Variants in PIK3R1 observed in about 807,000 individuals in gnomAD.
PIK3R1 encodes phosphoinositide-3-kinase regulatory subunit 1, also known as phosphatidylinositol 3-kinase regulatory subunit alpha.
In PIK3R1, 29 loss-of-function variants were observed where a neutral mutation model predicts 98.0. The observed-to-expected ratio is 0.30, with a 90% confidence interval of 0.22 to 0.40. The LOEUF is 0.40. Among genes scored for constraint, PIK3R1 ranks in the 10% least tolerant of loss-of-function variants. The probability of loss-of-function intolerance (pLI) is 1.00; values close to 1 mark genes in which losing one functional copy is unlikely to be tolerated. For missense variants in PIK3R1, 596 were observed against 872.7 expected (o/e 0.68, Z 3.99); for synonymous variants, 282 against 311.8 (o/e 0.90, Z 1.01).
At chr5:68,282,854 G>C (rs1376075250) in intron 7 of PIK3R1, among the ~76,000 whole-genome samples, 2 of 152,170 alleles carry the variant, frequency 1.3e-5, no homozygotes, top group Non-Finnish European at 2.9e-5. Flanking sequence ...ATCCAAGTCG[G>C]TTTTAAACTC....
chr5:68,219,562 T>A (rs896850712), intron 1 of PIK3R1, among the ~76,000 whole-genome samples: 1 of 152,252 alleles, frequency 6.6e-6, no homozygotes, highest in Admixed American at 6.5e-5. Flanking sequence ...TACACATCCC[T>A]TGGCCTCTCC....
intron 1 of PIK3R1, among the ~76,000 whole-genome samples, chr5:68,216,216 C>G (rs1743872120): frequency 6.6e-6 from 1 of 152,228 alleles, no homozygotes; most frequent in Admixed American, 6.5e-5. Flanking sequence ...CGAGCTGGTC[C>G]TGCACGCCGC....
At chr5:68,276,968 A>G (rs1746596191) in intron 4 of PIK3R1, among the ~76,000 whole-genome samples, 1 of 152,126 alleles carries the variant, frequency 6.6e-6, no homozygotes, top group Non-Finnish European at 1.5e-5. Flanking sequence ...ACATAATCCC[A>G]CACTATGATT....
Position 68,300,582 on chromosome 5 carries a change from A to C in PIK3R1, c.*2981A>C, listed in dbSNP as rs148652684. Reference sequence around the variant, plus strand: ...ATAACCATGTGAAAAGGCAAAAAGCATGTGTTTGCAACATCTGATAACTTC... The same window carrying C: ...ATAACCATGTGAAAAGGCAAAAAGCCTGTGTTTGCAACATCTGATAACTTC... On this transcript the variant is annotated 3_prime_UTR_variant, in exon 16 of 16. Coordinates refer to ENST00000521381, the MANE Select transcript of PIK3R1 (RefSeq NM_181523.3). 2 of 233,334 alleles carry C rather than the reference A, an allele frequency of 8.6e-6. No homozygotes were observed. Among genetic ancestry groups the C allele is most frequent in the African/African-American group, 4.4e-5 (2 of 45,492 alleles). The allele number at this position is 233,334 out of a possible 1,614,324, so 14.5% of individuals were successfully genotyped here.
chr5:68,219,715 T>C (rs867391825), intron 1 of PIK3R1, among the ~76,000 whole-genome samples: 5 of 152,320 alleles, frequency 3.3e-5, no homozygotes, highest in African/African-American at 1.2e-4. Context: ...TTAGCTAGAT[T>C]CAGGATTCAC....
intron 4 of PIK3R1, among the ~76,000 whole-genome samples, chr5:68,276,511 C>T (rs894954941): frequency 2.0e-5 from 3 of 152,096 alleles, no homozygotes; most frequent in Non-Finnish European, 4.4e-5. Flanking sequence ...TGAGTAGACT[C>T]AGTGAAAAGT....
chr5:68,273,434 A>G lies in PIK3R1; in HGVS notation c.379A>G (p.Ile127Val). ...TGCAGAGCAGTTTGCCCCTCCTGAC[A>G]TTGCCCCGCCTCTTCTTATCAAGCT... ...DLAEQFAPPDIAPPLLIKLVE... is the reference protein window; with the variant it reads ...DLAEQFAPPDVAPPLLIKLVE... The change falls in exon 3 of 16, where the codon ATT (isoleucine) becomes GTT (valine). Residue 127 changes from isoleucine (I) to valine (V), a missense_variant. Coordinates refer to ENST00000521381, the MANE Select transcript of PIK3R1 (RefSeq NM_181523.3). The G allele has an allele frequency of 6.2e-7, 1 of 1,614,108 alleles. No individual in the cohort carries two copies. The highest frequency in any genetic ancestry group is 1.1e-5 in the South Asian group (1 of 91,086).
chr5:68,253,633 A>G (rs1745400230), intron 2 of PIK3R1, among the ~76,000 whole-genome samples: 1 of 152,198 alleles, frequency 6.6e-6, no homozygotes, highest in African/African-American at 2.4e-5. Flanking sequence ...TTTAAATAAA[A>G]TGACATTCTA....
chr5:68,239,127 TAA>T (rs1475554404), intron 2 of PIK3R1, among the ~76,000 whole-genome samples: 2 of 152,196 alleles, frequency 1.3e-5, no homozygotes, highest in African/African-American at 4.8e-5. Context: ...AAAGATACAC[TAA>T]ACCTCTTGTT....
At chr5:68,223,169 A>AT (rs1744155483) in intron 1 of PIK3R1, among the ~76,000 whole-genome samples, 1 of 145,082 alleles carries the variant, frequency 6.9e-6, no homozygotes, top group Non-Finnish European at 1.5e-5. Flanking sequence ...CATCATCATC[A>AT]CCCAATACTT....
chr5:68,242,752 C>T (rs1744916688), intron 2 of PIK3R1, among the ~76,000 whole-genome samples: 1 of 152,298 alleles, frequency 6.6e-6, no homozygotes, highest in Non-Finnish European at 1.5e-5. Flanking sequence ...TTCTAGAGGC[C>T]TCCTTCTTGA....
At chr5:68,281,445 A>G (rs776144191) in intron 7 of PIK3R1, among the ~76,000 whole-genome samples, 1 of 152,254 alleles carries the variant, frequency 6.6e-6, no homozygotes, top group Non-Finnish European at 1.5e-5. Context: ...AAACATTTTC[A>G]ATAATGCAAG....
Position 68,297,826 on chromosome 5 carries a change from TTTTC to T in PIK3R1, c.*229_*232del, listed in dbSNP as rs1421976044. 1 of 367,832 alleles carries T rather than the reference TTTTC, an allele frequency of 2.7e-6. No homozygotes were observed. The highest frequency in any genetic ancestry group is 2.1e-5 in the African/African-American group (1 of 48,124). The allele number at this position is 367,832 out of a possible 1,614,324, so 22.8% of individuals were successfully genotyped here. On this transcript the variant is annotated 3_prime_UTR_variant, in exon 16 of 16. Coordinates refer to ENST00000521381, the MANE Select transcript of PIK3R1 (RefSeq NM_181523.3). ...CTAAGCTGGAGTGCTTATCCCTTCTTTTTCTTTTTTTCTTTGGTTTAATTTAAAG... is the reference window on the plus strand; with the variant it reads ...CTAAGCTGGAGTGCTTATCCCTTCTTTTTTTTTCTTTGGTTTAATTTAAAG...
chr5:68,228,914 T>C (rs913660883), intron 2 of PIK3R1, among the ~76,000 whole-genome samples: 4 of 152,228 alleles, frequency 2.6e-5, no homozygotes, highest in Non-Finnish European at 4.4e-5. Context: ...TTTTATATCC[T>C]AAACTATTTT....
intron 2 of PIK3R1, among the ~76,000 whole-genome samples, chr5:68,228,269 A>G (rs974210666): frequency 6.6e-6 from 1 of 152,196 alleles, no homozygotes; most frequent in Non-Finnish European, 1.5e-5. Flanking sequence ...AGAACAGAGA[A>G]ACAGAATGCA....
chr5:68,230,979 G>A (rs1407611351), intron 2 of PIK3R1, among the ~76,000 whole-genome samples: 1 of 152,110 alleles, frequency 6.6e-6, no homozygotes, highest in South Asian at 2.1e-4. Flanking sequence ...TTCTGCTTTA[G>A]CTTGCTCAGA....
At chr5:68,270,891 G>A (rs1746327413) in intron 2 of PIK3R1, among the ~76,000 whole-genome samples, 1 of 152,142 alleles carries the variant, frequency 6.6e-6, no homozygotes, top group Non-Finnish European at 1.5e-5. Flanking sequence ...ATGAAATGGT[G>A]TGCTCTTTCA....
intron 2 of PIK3R1, among the ~76,000 whole-genome samples, chr5:68,272,412 C>G (rs831123): frequency 0.075 from 11,387 of 152,154 alleles, 538 homozygotes; most frequent in Non-Finnish European, 0.1. Context: ...AGCAATGAGG[C>G]TAATAAACAG....
intron 2 of PIK3R1, among the ~76,000 whole-genome samples, chr5:68,231,408 C>T (rs538297311): frequency 6.6e-6 from 1 of 152,332 alleles, no homozygotes; most frequent in East Asian, 1.9e-4. Flanking sequence ...ATGGCTTACG[C>T]TAAATTTTGA....
Sources: allele counts gnomAD v4.1 joint callset (sites outside exome capture counted in the v4.1 genomes callset), GRCh38; gene constraint gnomAD v4.1.1; transcripts MANE v1.5; gene names NCBI Gene and HGNC (gene_info 2026-07-23, HGNC 2026-07-21).